The following SEMA3A variants were observed in gnomAD, a reference collection of about 807,000 sequenced individuals.
SEMA3A encodes the protein semaphorin-3A.
Under a neutral mutation model 97.9 loss-of-function variants are expected in SEMA3A, and 29 were observed. The ratio of observed to expected loss-of-function variants is 0.30; its 90% CI spans 0.22 to 0.40. The LOEUF (loss-of-function observed/expected upper bound fraction) is 0.40. Ranked by LOEUF, SEMA3A falls within the 10% of genes least tolerant of loss-of-function variation. SEMA3A has a pLI of 1.00. For missense variants in SEMA3A, 763 were observed against 951.3 expected, an observed-to-expected ratio of 0.80 and a Z score of 2.60; for synonymous variants, 321 against 323.7, an observed-to-expected ratio of 0.99 and a Z score of 0.09.
At chr7:84,453,237 TTC>T (rs201402159) in intron 1 of SEMA3A, among the ~76,000 whole-genome samples, 4 of 144,366 alleles carry the variant, frequency 2.8e-5, no homozygotes, top group Admixed American at 7.4e-5. Flanking sequence ...GAGACTTTGT[TTC>T]TTTTTTTTTT....
intron 1 of SEMA3A, among the ~76,000 whole-genome samples, chr7:84,465,481 G>A (rs1805967840): frequency 6.6e-6 from 1 of 152,024 alleles, no homozygotes; most frequent in South Asian, 2.1e-4. Context: ...TTATTCATAT[G>A]TGTTCTTCTG....
rs77405631 is a variant in SEMA3A at position 84,101,474 on chromosome 7, G to T, written c.453+8996C>A. ...CCATAAAATGATCTGAAAATTTACCGTTATGTTAAAACCACTGTGCAACTA... is the reference window on the plus strand; with the variant it reads ...CCATAAAATGATCTGAAAATTTACCTTTATGTTAAAACCACTGTGCAACTA... On this transcript the variant is annotated intron_variant, in intron 4 of 16. Coordinates refer to ENST00000265362, the MANE Select transcript of SEMA3A (RefSeq NM_006080.3). Among the ~76,000 whole-genome samples the T allele has an allele frequency of 4.1e-3, 630 of 152,146 alleles. 2 individuals carry two copies. The highest frequency in any genetic ancestry group is 0.017 in the East Asian group (88 of 5,164).
chr7:84,014,201 T>C lies in SEMA3A; in HGVS notation c.810+8A>G, dbSNP rs779174445. The C allele has an allele frequency of 6.3e-7, 1 of 1,588,176 alleles. No homozygotes were observed. Among genetic ancestry groups the C allele is most frequent in the Non-Finnish European group, 8.5e-7 (1 of 1,171,128 alleles). On this transcript the variant is annotated splice_region_variant and intron_variant, in intron 7 of 16. Transcript: ENST00000265362. ...ACATCCTTCTCAGTTTTTTTTTCTT[T>C]ACCTCACCTTGCATATCTGACCTAT...
chr7:84,311,450 A>G (rs1216814413), intron 2 of SEMA3A, among the ~76,000 whole-genome samples: 1 of 151,986 alleles, frequency 6.6e-6, no homozygotes, highest in Non-Finnish European at 1.5e-5. Context: ...TGTGATGAGT[A>G]TAATGATGGC....
intron 5 of SEMA3A, among the ~76,000 whole-genome samples, chr7:84,057,010 A>G (rs1187768869): frequency 6.6e-6 from 1 of 152,240 alleles, no homozygotes; most frequent in Admixed American, 6.5e-5. Flanking sequence ...AAGGAAACTG[A>G]GGCTCAGAGA....
intron 4 of SEMA3A, among the ~76,000 whole-genome samples, chr7:84,064,995 C>G (rs545780139): frequency 6.6e-6 from 1 of 152,274 alleles, no homozygotes; most frequent in East Asian, 1.9e-4. Flanking sequence ...CACACCTATT[C>G]CAAAATTGAC....
intron 3 of SEMA3A, among the ~76,000 whole-genome samples, chr7:84,236,288 T>C (rs1383065233): frequency 6.6e-6 from 1 of 152,100 alleles, no homozygotes; most frequent in East Asian, 1.9e-4. Context: ...GCGAATGAAG[T>C]AAAGTTTCAG....
chr7:84,020,917 C>A (rs544006124), intron 6 of SEMA3A, among the ~76,000 whole-genome samples: 1 of 152,232 alleles, frequency 6.6e-6, no homozygotes, highest in South Asian at 2.1e-4. Context: ...TTTTCCAGAA[C>A]AGATTTCAGG....
intron 13 of SEMA3A, among the ~76,000 whole-genome samples, chr7:83,983,053 G>A (rs1345833335): frequency 1.3e-5 from 2 of 151,852 alleles, no homozygotes; most frequent in East Asian, 3.9e-4. Flanking sequence ...ATTACTAAGT[G>A]CTCAATTTTT....
intron 3 of SEMA3A, among the ~76,000 whole-genome samples, chr7:84,246,294 A>G (rs1412271350): frequency 2.0e-5 from 3 of 152,244 alleles, no homozygotes; most frequent in Non-Finnish European, 4.4e-5. Context: ...AATTTGTTAC[A>G]GCTGCGCCAG....
chr7:84,033,879 T>G (rs1177168968), intron 6 of SEMA3A, among the ~76,000 whole-genome samples: 2 of 152,294 alleles, frequency 1.3e-5, no homozygotes, highest in East Asian at 3.9e-4. Context: ...CAGGGGTCTA[T>G]ACAAGCTAAG....
chr7:83,974,039 A>G (rs1054582463), intron 15 of SEMA3A, among the ~76,000 whole-genome samples: 3 of 152,068 alleles, frequency 2.0e-5, no homozygotes, highest in Non-Finnish European at 4.4e-5. Context: ...ATGAGCTCCA[A>G]TTTTGTACAC....
In SEMA3A at chr7:84,194,530, T is replaced by G. The variant is rs139951141; in HGVS notation, c.57A>C (p.Arg19Ser). 1.2e-4 allele frequency: 191 copies of G among 1,613,622 alleles called. No individual in the cohort carries two copies. The African/African-American group carries it at 2.2e-3, about 18-fold the overall frequency. Residue 19 changes from arginine to serine, a missense_variant, in exon 1 of 17, where the codon AGA becomes AGC. Arg to Ser is a moderately radical substitution (Grantham distance 110). Around this residue, in one of 2 missense-constraint regions of SEMA3A, gnomAD observed 85 missense variants for 70.0 expected, o/e 1.21. Coordinates refer to ENST00000265362, the MANE Select transcript of SEMA3A (RefSeq NM_006080.3). ...TGTTCTTCCCATTCTGATAGTTTGC[T>G]CTTGCTGTAAGTAATACTCCCCAGA... ...CLFWGVLLTA[R>S]ANYQNGKNNV...
chr7:84,051,593 G>T (rs962076671), intron 5 of SEMA3A, among the ~76,000 whole-genome samples: 221 of 152,294 alleles, frequency 1.5e-3, no homozygotes, highest in African/African-American at 4.9e-3. Context: ...TTGCTTATCA[G>T]CTTAAGGAGA....
At chr7:84,239,877 A>T (rs1233553318) in intron 3 of SEMA3A, among the ~76,000 whole-genome samples, 1 of 152,148 alleles carries the variant, frequency 6.6e-6, no homozygotes, top group Non-Finnish European at 1.5e-5. Flanking sequence ...GTCATAAAAA[A>T]TTTACCTGTC....
chr7:84,451,329 T>G (rs948949999), intron 1 of SEMA3A, among the ~76,000 whole-genome samples: 1 of 152,204 alleles, frequency 6.6e-6, no homozygotes, highest in African/African-American at 2.4e-5. Flanking sequence ...TGGGTCATAT[T>G]TAAAGTCACT....
At chr7:84,239,780 CT>C (rs1799317401) in intron 3 of SEMA3A, among the ~76,000 whole-genome samples, 1 of 151,980 alleles carries the variant, frequency 6.6e-6, no homozygotes, top group Non-Finnish European at 1.5e-5. Context: ...CTTAATGAAA[CT>C]GATTTTGTGA....
intron 1 of SEMA3A, among the ~76,000 whole-genome samples, chr7:84,397,508 A>G (rs1446815646): frequency 1.3e-5 from 2 of 148,876 alleles, no homozygotes; most frequent in African/African-American, 4.9e-5. Flanking sequence ...TGTTATATAT[A>G]TTACATATAT....
At chr7:84,274,278 T>C (rs975879717) in intron 3 of SEMA3A, among the ~76,000 whole-genome samples, 2 of 152,116 alleles carry the variant, frequency 1.3e-5, no homozygotes, top group Non-Finnish European at 1.5e-5. Context: ...CTTGGTGAAG[T>C]TGCTGCCTCC....
Sources: allele counts gnomAD v4.1 joint callset (sites outside exome capture counted in the v4.1 genomes callset), GRCh38; gene constraint gnomAD v4.1.1; regional missense constraint gnomAD v4.1.1; transcripts MANE v1.5; gene names NCBI Gene and HGNC (gene_info 2026-07-23, HGNC 2026-07-21).